FLRT1: variants seen among roughly 807,000 people sequenced by gnomAD.
The protein encoded by FLRT1 is fibronectin leucine rich transmembrane protein 1.
In FLRT1, 14 loss-of-function variants were observed where a neutral mutation model predicts 30.9. The observed-to-expected ratio is 0.45, with a 90% CI of 0.30 to 0.71. The LOEUF (loss-of-function observed/expected upper bound fraction) is 0.71. Among genes scored for constraint, FLRT1 ranks in the 30% least tolerant of loss-of-function variants. FLRT1 has a pLI of 0.08. For synonymous variants in FLRT1, 368 were observed against 430.4 expected (o/e 0.85, Z 1.80); for missense variants, 737 against 949.2 (o/e 0.78, Z 2.94).
chr11:64,044,349 T>C (rs1005967973), intron 1 of FLRT1, among the ~76,000 whole-genome samples: 5 of 151,458 alleles, frequency 3.3e-5, no homozygotes, highest in Non-Finnish European at 7.4e-5. Flanking sequence ...ACTTTTGGGC[T>C]CAAGTGATCC....
chr11:64,070,838 T>A (rs1944095791), intron 1 of FLRT1, among the ~76,000 whole-genome samples: 1 of 152,140 alleles, frequency 6.6e-6, no homozygotes, highest in African/African-American at 2.4e-5. Context: ...CTTTCTCGTT[T>A]TGGAAGAGGG....
chr11:64,044,086 G>A (rs1328269183), intron 1 of FLRT1, among the ~76,000 whole-genome samples: 6 of 151,956 alleles, frequency 3.9e-5, no homozygotes, highest in East Asian at 1.9e-4. Context: ...AAAGTGCTGC[G>A]GTTACAGGTG....
rs776639848 is a variant in FLRT1, at chr11:64,118,278, T to C, written c.2011T>C (p.Tyr671His). The change falls in exon 3 of 3, where the codon TAC becomes CAC. Residue 671 changes from tyrosine (Y) to histidine (H), a missense_variant. By Grantham distance (83) the Tyr-to-His change is moderately conservative. Coordinates refer to ENST00000682287, the MANE Select transcript of FLRT1 (RefSeq NM_013280.5). ...YRDGGIPDIDYSYT is the reference protein window; with the variant it reads ...YRDGGIPDIDHSYT The stretch of plus-strand genomic sequence containing the variant: ...GGACGGCGGCATCCCCGACATAGAC[T>C]ACTCCTACACATGATGCCCGCCCAC... The C allele has an allele frequency of 4.4e-6, 7 of 1,582,446 alleles. No homozygotes were observed. In the Admixed American group the frequency reaches 5.1e-5, roughly 12 times the overall value.
At chr11:64,094,220 C>G (rs2134534071) in intron 1 of FLRT1, among the ~76,000 whole-genome samples, 1 of 152,270 alleles carries the variant, frequency 6.6e-6, no homozygotes, top group Non-Finnish European at 1.5e-5. Context: ...AGCACAAGGT[C>G]AGGAGTTCAA....
Position 64,096,413 on chromosome 11 carries a change from C to T in FLRT1, c.-1037-6781C>T, listed in dbSNP as rs556153615. 6.6e-6 allele frequency among the ~76,000 whole-genome samples: 1 copy of T among 151,918 alleles called. No homozygotes were observed. The highest frequency in any genetic ancestry group is 1.9e-4 in the East Asian group (1 of 5,166). ...CTGGCAGGCAAGTGGTCGTTCCTGT[C>T]CCCTCTTTTTTTTTTTTGAGACTGA... On this transcript the variant is annotated intron_variant, in intron 1 of 2. Transcript: ENST00000682287. The surrounding 1 kb of genome is among the most constrained non-coding windows in gnomAD (Gnocchi z 4.6).
intron 1 of FLRT1, among the ~76,000 whole-genome samples, chr11:64,077,050 G>C (rs906638310): frequency 6.6e-6 from 1 of 151,964 alleles, no homozygotes; most frequent in African/African-American, 2.4e-5. Flanking sequence ...GGGAGATAGG[G>C]CAGGGTAGGG....
chr11:64,052,686 G>A (rs1365635157), intron 1 of FLRT1, among the ~76,000 whole-genome samples: 1 of 152,234 alleles, frequency 6.6e-6, no homozygotes, highest in African/African-American at 2.4e-5. Flanking sequence ...TTTTGCAAAT[G>A]AGGAAATGGC....
chr11:64,098,200 A>G (rs2701541), intron 1 of FLRT1, among the ~76,000 whole-genome samples: 131,591 of 152,152 alleles, frequency 0.86, 57,725 homozygotes, highest in Non-Finnish European at 0.94. Context: ...GCACCCTCAC[A>G]GCCTCCCCCC....
At chr11:64,054,451 A>G (rs1279239787) in intron 1 of FLRT1, among the ~76,000 whole-genome samples, 1 of 152,092 alleles carries the variant, frequency 6.6e-6, no homozygotes, top group Non-Finnish European at 1.5e-5. Flanking sequence ...TTTCCAGTAA[A>G]TATCAACAAA....
At chr11:64,070,733 C>G (rs1184358070) in intron 1 of FLRT1, among the ~76,000 whole-genome samples, 1 of 152,240 alleles carries the variant, frequency 6.6e-6, no homozygotes, top group Non-Finnish European at 1.5e-5. Context: ...CAGCTGCCTG[C>G]TCCTCCCGCT....
chr11:64,084,645 T>C (rs1359393352), intron 1 of FLRT1, among the ~76,000 whole-genome samples: 1 of 152,136 alleles, frequency 6.6e-6, no homozygotes, highest in Non-Finnish European at 1.5e-5. Flanking sequence ...CGCATGGCAG[T>C]GGGGTCAAAG....
chr11:64,091,139 T>G (rs1423240144), intron 1 of FLRT1, among the ~76,000 whole-genome samples: 22 of 64,062 alleles, frequency 3.4e-4, no homozygotes, highest in African/African-American at 7.0e-4. Flanking sequence ...GGAGGGGGCA[T>G]GGGAGGAGGA....
chr11:64,097,847 G>A (rs1944605129), intron 1 of FLRT1, among the ~76,000 whole-genome samples: 1 of 152,122 alleles, frequency 6.6e-6, no homozygotes, highest in Non-Finnish European at 1.5e-5. Flanking sequence ...TGCAGATCAG[G>A]ACCAGGCTTG....
chr11:64,099,753 T>C (rs1364270630), intron 1 of FLRT1, among the ~76,000 whole-genome samples: 1 of 146,476 alleles, frequency 6.8e-6, no homozygotes, highest in Admixed American at 6.8e-5. Flanking sequence ...AATGGATGGG[T>C]TGACAGATGG....
At chr11:64,063,734 T>C (rs1038094825) in intron 1 of FLRT1, among the ~76,000 whole-genome samples, 1 of 152,136 alleles carries the variant, frequency 6.6e-6, no homozygotes, top group Non-Finnish European at 1.5e-5. Context: ...CCCCCCTCCA[T>C]GGGCAGCCAC....
chr11:64,050,558 C>T (rs2134410953), intron 1 of FLRT1, among the ~76,000 whole-genome samples: 1 of 152,332 alleles, frequency 6.6e-6, no homozygotes, highest in African/African-American at 2.4e-5. Flanking sequence ...GGACAGCCCT[C>T]CCTCACAGCG....
At chr11:64,113,609 GGA>G (rs1409443232) in intron 2 of FLRT1, among the ~76,000 whole-genome samples, 17 of 132,124 alleles carry the variant, frequency 1.3e-4, no homozygotes, top group African/African-American at 4.2e-4. Flanking sequence ...TTAGGTGGAT[GGA>G]TGGATGGATG....
chr11:64,050,377 T>G (rs1299393380), intron 1 of FLRT1, among the ~76,000 whole-genome samples: 1 of 152,222 alleles, frequency 6.6e-6, no homozygotes, highest in African/African-American at 2.4e-5. Flanking sequence ...TAGGGGCAGC[T>G]GGACACGTAG....
intron 1 of FLRT1, among the ~76,000 whole-genome samples, chr11:64,062,065 G>A (rs1310838017): frequency 6.7e-6 from 1 of 149,594 alleles, no homozygotes; most frequent in Non-Finnish European, 1.5e-5. Context: ...TGCCTGGCAT[G>A]CCTTTGCCCC....
Sources: gnomAD v4.1 joint callset for allele counts (sites outside exome capture counted in the v4.1 genomes callset) on GRCh38, gnomAD v4.1.1 for gene constraint, Gnocchi (gnomAD v3.1) non-coding constraint, MANE v1.5 for transcripts, NCBI Gene and HGNC (gene_info 2026-07-23, HGNC 2026-07-21) for gene names.